IL16: variants seen among roughly 807,000 people sequenced by gnomAD.
The protein encoded by IL16 is pro-interleukin-16.
Under a neutral mutation model 110.1 loss-of-function variants are expected in IL16, and 67 were observed. The observed-to-expected ratio is 0.61, with a 90% CI of 0.50 to 0.75. IL16 has a LOEUF of 0.75. Among genes scored for constraint, IL16 ranks in the 30% least tolerant of loss-of-function variants. IL16 has a pLI of 0.00. For missense variants in IL16, 1,545 were observed against 1,655.0 expected (o/e 0.93, Z 1.15); for synonymous variants, 689 against 662.9 (o/e 1.04, Z -0.61).
intron 2 of IL16, among the ~76,000 whole-genome samples, chr15:81,243,943 A>G (rs1897442719): frequency 6.6e-6 from 1 of 151,926 alleles, no homozygotes; most frequent in Admixed American, 6.6e-5. Flanking sequence ...TCTATTTTTT[A>G]TTGTTTTAAT....
chr15:81,292,416 C>T, intron 11 of IL16, 140 bp from the exon 12 acceptor site: 2 of 1,269,570 alleles, frequency 1.6e-6, no homozygotes, highest in Non-Finnish European at 2.3e-6. Flanking sequence ...GACTGCCATA[C>T]TCCAGATCCA....
intron 2 of IL16, among the ~76,000 whole-genome samples, chr15:81,229,264 C>T (rs1287059622): frequency 2.0e-5 from 3 of 151,960 alleles, no homozygotes; most frequent in Non-Finnish European, 2.9e-5. Flanking sequence ...ATGGGTACAC[C>T]GAGGAGGGCA....
chr15:81,301,249 C>T (rs1004073067), intron 14 of IL16, 95 bp from the exon 15 acceptor site: 11 of 1,095,896 alleles, frequency 1.0e-5, no homozygotes, highest in Non-Finnish European at 1.4e-5. Context: ...CACATAAGTG[C>T]TTGGCACCAC....
At chr15:81,266,161 C>G (rs893243100) in intron 4 of IL16, among the ~76,000 whole-genome samples, 1 of 152,222 alleles carries the variant, frequency 6.6e-6, no homozygotes, top group African/African-American at 2.4e-5. Flanking sequence ...GAGGGAGCTA[C>G]AGCTTGGGCA....
At chr15:81,306,927 T>A (rs982465877) in intron 18 of IL16, 25 of 307,602 alleles carry the variant, frequency 8.1e-5, no homozygotes, top group South Asian at 3.4e-4. Flanking sequence ...AAATTAATTT[T>A]AAAAAAACAT....
At chr15:81,238,388 T>G (rs973027742) in intron 2 of IL16, among the ~76,000 whole-genome samples, 2 of 152,214 alleles carry the variant, frequency 1.3e-5, no homozygotes, top group Admixed American at 1.3e-4. Context: ...CCACTTTGAT[T>G]TATTTATTAT....
chr15:81,276,070 TTTG>T (rs1169258976), intron 6 of IL16, among the ~76,000 whole-genome samples: 5 of 152,186 alleles, frequency 3.3e-5, no homozygotes, highest in Non-Finnish European at 7.3e-5. Flanking sequence ...ATTCTGAATT[TTTG>T]TTGTCTATCC....
intron 1 of IL16, among the ~76,000 whole-genome samples, chr15:81,188,688 G>A (rs1486714646): frequency 6.6e-6 from 1 of 152,002 alleles, no homozygotes; most frequent in East Asian, 1.9e-4. Flanking sequence ...TTGTCTCTGT[G>A]TCTATGCATC....
intron 3 of IL16, among the ~76,000 whole-genome samples, chr15:81,263,633 C>T (rs1237990040): frequency 6.6e-6 from 1 of 152,198 alleles, no homozygotes; most frequent in African/African-American, 2.4e-5. Context: ...CTGGAACCCC[C>T]ACACAAGTGG....
chr15:81,189,633 G>A (rs996349038), intron 1 of IL16, among the ~76,000 whole-genome samples: 18 of 152,138 alleles, frequency 1.2e-4, no homozygotes, highest in African/African-American at 4.3e-4. Flanking sequence ...AAGTCTTCCT[G>A]GAGGAGGTGA....
chr15:81,291,234 A>G (rs2142353481), intron 11 of IL16, among the ~76,000 whole-genome samples: 1 of 152,358 alleles, frequency 6.6e-6, no homozygotes, highest in South Asian at 2.1e-4. Flanking sequence ...GTTCAGAGAA[A>G]AGAACAGAAC....
intron 1 of IL16, among the ~76,000 whole-genome samples, chr15:81,216,922 A>G (rs552892025): frequency 2.6e-5 from 4 of 152,304 alleles, no homozygotes; most frequent in Non-Finnish European, 5.9e-5. Flanking sequence ...ACCTAGGTCT[A>G]CTTAGGCTGT....
intron 3 of IL16, among the ~76,000 whole-genome samples, chr15:81,263,780 G>C (rs1357934376): frequency 2.0e-5 from 3 of 152,158 alleles, no homozygotes; most frequent in African/African-American, 7.2e-5. Flanking sequence ...ATGCACCACT[G>C]GCCACCTTCA....
chr15:81,293,441 G>A (rs578065100), intron 12 of IL16, among the ~76,000 whole-genome samples: 1 of 152,296 alleles, frequency 6.6e-6, no homozygotes, highest in African/African-American at 2.4e-5. Context: ...GGTGGCTCAT[G>A]CCTGTAATCC....
intron 9 of IL16, among the ~76,000 whole-genome samples, chr15:81,284,825 C>T (rs997556299): frequency 3.3e-5 from 5 of 152,126 alleles, no homozygotes; most frequent in Non-Finnish European, 7.3e-5. Context: ...GTTTATGCCT[C>T]GTCTATGGCC....
chr15:81,204,102 C>T (rs956117666), intron 1 of IL16, among the ~76,000 whole-genome samples: 20 of 152,092 alleles, frequency 1.3e-4, no homozygotes, highest in African/African-American at 4.8e-4. Flanking sequence ...TGGGAGTTCA[C>T]TCATGATTTG....
chr15:81,249,587 GTC>G (rs1897694836), intron 2 of IL16, among the ~76,000 whole-genome samples: 1 of 152,068 alleles, frequency 6.6e-6, no homozygotes, highest in Non-Finnish European at 1.5e-5. Flanking sequence ...AAGTTAATCT[GTC>G]TTTTCTCTCT....
chr15:81,262,135 T>C (rs1202370972), intron 3 of IL16, among the ~76,000 whole-genome samples: 1 of 152,208 alleles, frequency 6.6e-6, no homozygotes, highest in African/African-American at 2.4e-5. Flanking sequence ...TTTATTTATT[T>C]TGTTTTTGGT....
chr15:81,299,214 C>T (rs1053663104), intron 13 of IL16, 166 bp from the exon 14 acceptor site: 1 of 1,070,492 alleles, frequency 9.3e-7, no homozygotes. Flanking sequence ...CTGTTGGCAG[C>T]TCAGTCAGGT....
Sources: allele counts gnomAD v4.1 joint callset (sites outside exome capture counted in the v4.1 genomes callset), GRCh38; gene constraint gnomAD v4.1.1; transcripts MANE v1.5; gene names NCBI Gene and HGNC (gene_info 2026-07-23, HGNC 2026-07-21).